PAQR3: variants seen among roughly 807,000 people sequenced by gnomAD.
PAQR3 encodes the protein progestin and adipoQ receptor family member 3.
PAQR3 carries 39 observed loss-of-function variants against 41.7 expected under a neutral mutation model. That is an observed-to-expected ratio of 0.93 (90% CI 0.72 to 1.22). The LOEUF is 1.22. Among genes scored for constraint, PAQR3 ranks in the 50% most tolerant of loss-of-function variants. The pLI, the probability that PAQR3 is intolerant of heterozygous loss-of-function variation, is 0.00. For synonymous variants in PAQR3, 140 were observed against 140.6 expected (o/e 1.00, Z 0.03); for missense variants, 366 against 385.6 (o/e 0.95, Z 0.42).
Position 78,918,139 on chromosome 4 carries a change from T to A in PAQR3, c.*2400A>T. ...CAATTTAAAACAGCCATAGATAATT[T>A]TAAAATGTAAAATCTGTAGGCAAAA... On this transcript the variant is annotated 3_prime_UTR_variant, in exon 6 of 6. Coordinates refer to ENST00000512733, the MANE Select transcript of PAQR3 (RefSeq NM_001040202.2). 1.0e-6 allele frequency: 1 copy of A among 966,876 alleles called. No individual in the cohort carries two copies. Among genetic ancestry groups the A allele is most frequent in the Non-Finnish European group, 1.2e-6 (1 of 812,812 alleles). 59.9% of individuals were successfully genotyped at this position (966,876 alleles called of 1,614,324 possible).
Position 78,912,063 on chromosome 4 carries a change from C to G in PAQR3, c.*8476G>C. 1 of 1,536,974 alleles carries G rather than the reference C, an allele frequency of 6.5e-7. No individual in the cohort carries two copies. The highest frequency in any genetic ancestry group is 8.8e-7 in the Non-Finnish European group (1 of 1,137,916). On this transcript the variant is annotated 3_prime_UTR_variant, in exon 6 of 6. Transcript: ENST00000512733. Reference sequence around the variant, plus strand: ...TTCTGATGGATTCTCGGCATTAACTCCTGTTTCAAAAAAGTGTGAACAGTT... The same window carrying G: ...TTCTGATGGATTCTCGGCATTAACTGCTGTTTCAAAAAAGTGTGAACAGTT...
intron 11 of PAQR3, among the ~76,000 whole-genome samples, chr4:78,890,035 C>T (rs563953551): frequency 2.0e-5 from 3 of 152,108 alleles, no homozygotes; most frequent in Non-Finnish European, 4.4e-5. Context: ...AACTTTTAAC[C>T]TCAACTTTGA....
At chr4:78,903,916 A>G (rs1006945837) in intron 11 of PAQR3, among the ~76,000 whole-genome samples, 1 of 151,938 alleles carries the variant, frequency 6.6e-6, no homozygotes, top group Non-Finnish European at 1.5e-5. Context: ...TACAGATGAG[A>G]GTTTTAAGCC....
At chr4:78,902,180 A>G (rs1734041454) in intron 11 of PAQR3, among the ~76,000 whole-genome samples, 1 of 152,338 alleles carries the variant, frequency 6.6e-6, no homozygotes, top group South Asian at 2.1e-4. Context: ...AATGAGGCTC[A>G]GAAAGGTTCA....
chr4:78,922,092 A>T (rs751500131), intron 5 of PAQR3: 29 of 1,037,660 alleles, frequency 2.8e-5, no homozygotes, highest in African/African-American at 1.0e-4. Flanking sequence ...AAGAAAATAC[A>T]GAATTTTAAA....
At chr4:78,922,580 T>C (rs1735763820) in intron 5 of PAQR3, among the ~76,000 whole-genome samples, 1 of 151,984 alleles carries the variant, frequency 6.6e-6, no homozygotes, top group Admixed American at 6.6e-5. Flanking sequence ...ACTTTGTCTC[T>C]TACTAAACCA....
At chr4:78,904,195 A>G (rs984265014) in intron 11 of PAQR3, among the ~76,000 whole-genome samples, 2 of 151,956 alleles carry the variant, frequency 1.3e-5, no homozygotes, top group Non-Finnish European at 2.9e-5. Flanking sequence ...TAACATGGAA[A>G]ACAAAGTTTC....
rs2110113924 is a variant in PAQR3, at chr4:78,912,976, G to A, written c.*7563C>T. 1 of 152,252 alleles carries A rather than the reference G, an allele frequency of 6.6e-6. No homozygotes were observed. Among genetic ancestry groups the A allele is most frequent in the East Asian group, 1.9e-4 (1 of 5,194 alleles). The allele number at this position is 152,252 out of a possible 1,614,324, so 9.4% of individuals were successfully genotyped here. Reference sequence around the variant, plus strand: ...GATTATTGGAAAAATTGGAGGACAAGGGTTGTATAAAAATTTTATTTTATG... The same window carrying A: ...GATTATTGGAAAAATTGGAGGACAAAGGTTGTATAAAAATTTTATTTTATG... On this transcript the variant is annotated 3_prime_UTR_variant, in exon 6 of 6. Transcript: ENST00000512733.
intron 11 of PAQR3, among the ~76,000 whole-genome samples, chr4:78,901,440 A>T (rs1734002272): frequency 6.6e-6 from 1 of 152,160 alleles, no homozygotes; most frequent in African/African-American, 2.4e-5. Flanking sequence ...TAAATGAGTT[A>T]TGCTAGTTTT....
chr4:78,891,065 C>G (rs1387316454), intron 11 of PAQR3, among the ~76,000 whole-genome samples: 3 of 152,024 alleles, frequency 2.0e-5, no homozygotes, highest in African/African-American at 7.2e-5. Context: ...ACTTTGCTGC[C>G]TAAAAGTTTG....
At chr4:78,923,195 T>C (rs961014995) in intron 5 of PAQR3, among the ~76,000 whole-genome samples, 25 of 151,924 alleles carry the variant, frequency 1.6e-4, no homozygotes, top group African/African-American at 5.8e-4. Flanking sequence ...ACATAAAGAC[T>C]CTTAACTTTC....
downstream of PAQR3, chr4:78,910,624 A>C (rs748709920): frequency 6.5e-7 from 1 of 1,537,744 alleles, no homozygotes; most frequent in Middle Eastern, 1.8e-4. Context: ...TCCTGAAAAG[A>C]AAGCTGAACA....
intron 11 of PAQR3, among the ~76,000 whole-genome samples, chr4:78,892,055 T>A (rs1467633066): frequency 3.3e-5 from 5 of 152,212 alleles, no homozygotes. Flanking sequence ...GAACTTTGGT[T>A]TTCTTTCCTT....
downstream of PAQR3, chr4:78,911,562 G>T (rs1734610423): frequency 6.2e-7 from 1 of 1,613,916 alleles, no homozygotes; most frequent in African/African-American, 1.3e-5. Context: ...CTAGCACAAA[G>T]AAGACTTTGA....
intron 1 of PAQR3, among the ~76,000 whole-genome samples, chr4:78,936,683 G>A (rs539589732): frequency 1.0e-3 from 156 of 152,332 alleles, no homozygotes; most frequent in African/African-American, 3.3e-3. Context: ...AGGGATGCAC[G>A]AATGTGCTTG....
chr4:78,891,766 T>A (rs1733452347), intron 11 of PAQR3, among the ~76,000 whole-genome samples: 1 of 152,210 alleles, frequency 6.6e-6, no homozygotes, highest in Admixed American at 6.5e-5. Context: ...TTATTGTAAA[T>A]TATTTTCTTC....
intron 3 of PAQR3, among the ~76,000 whole-genome samples, chr4:78,929,583 A>G (rs1271361268): frequency 6.6e-6 from 1 of 152,242 alleles, no homozygotes; most frequent in East Asian, 1.9e-4. Context: ...GACAGAAAGC[A>G]GAGTTGATCC....
Position 78,912,305 on chromosome 4 carries a change from TC to T in PAQR3, c.*8233del. 8.5e-6 allele frequency: 3 copies of T among 352,574 alleles called. No homozygotes were observed. The highest frequency in any genetic ancestry group is 1.5e-5 in the Non-Finnish European group (3 of 195,194). 21.8% of individuals were successfully genotyped at this position (352,574 alleles called of 1,614,324 possible). A position where few individuals can be genotyped will look rare whatever the true frequency, so the allele number is the denominator to read the frequency against. Reference sequence around the variant, plus strand: ...AACACAGAAATGCAAGTGTGGTACTTCCAGTGAAAGCACATGGCACCTTTCT... The same window carrying T: ...AACACAGAAATGCAAGTGTGGTACTTCAGTGAAAGCACATGGCACCTTTCT... On this transcript the variant is annotated 3_prime_UTR_variant, in exon 6 of 6. Coordinates refer to ENST00000512733, the MANE Select transcript of PAQR3 (RefSeq NM_001040202.2).
At chr4:78,887,993 C>T (rs553311107) in intron 12 of PAQR3, 3 of 152,314 alleles carry the variant, frequency 2.0e-5, no homozygotes, top group African/African-American at 4.8e-5. Flanking sequence ...TTTTGTTTCT[C>T]ACTCAGGCAA....
Sources: gnomAD v4.1 joint callset for allele counts (sites outside exome capture counted in the v4.1 genomes callset) on GRCh38, gnomAD v4.1.1 for gene constraint, MANE v1.5 for transcripts, NCBI Gene and HGNC (gene_info 2026-07-23, HGNC 2026-07-21) for gene names.